Variants in TBCE observed in about 807,000 individuals in gnomAD.
The protein encoded by TBCE is tubulin-specific chaperone E.
Under a neutral mutation model 77.0 loss-of-function variants are expected in TBCE, and 53 were observed. The observed-to-expected ratio is 0.69, with a 90% CI of 0.55 to 0.87. The LOEUF (loss-of-function observed/expected upper bound fraction) is 0.87. Among genes scored for constraint, TBCE ranks in the 40% least tolerant of loss-of-function variants. The probability of loss-of-function intolerance (pLI) is 0.00; values close to 1 mark genes in which losing one functional copy is unlikely to be tolerated. For synonymous variants in TBCE, 235 were observed against 241.3 expected (o/e 0.97, Z 0.24); for missense variants, 624 against 622.4 (o/e 1.00, Z -0.03).
chr1:235,421,634 G>A (rs1013255436), intron 5 of TBCE, among the ~76,000 whole-genome samples: 4 of 152,040 alleles, frequency 2.6e-5, no homozygotes, highest in Admixed American at 1.3e-4. Context: ...GCTTGAACCC[G>A]GGAGGCGGAG....
At chr1:235,397,460 G>T (rs1435262217) in intron 2 of TBCE, among the ~76,000 whole-genome samples, 2 of 152,126 alleles carry the variant, frequency 1.3e-5, no homozygotes, top group African/African-American at 2.4e-5. Flanking sequence ...TGATCCACCC[G>T]CTTTGGCCTC....
At chr1:235,407,170 G>A (rs1194583626) in intron 3 of TBCE, among the ~76,000 whole-genome samples, 2 of 143,526 alleles carry the variant, frequency 1.4e-5, no homozygotes, top group African/African-American at 5.3e-5. Context: ...GTCTTGCTCT[G>A]TCACCCAGGT....
In TBCE at chr1:235,450,358, A is replaced by C; in HGVS notation, c.*1596A>C. 1.2e-6 allele frequency: 2 copies of C among 1,612,926 alleles called. No homozygotes were observed. The highest frequency in any genetic ancestry group is 1.7e-6 in the Non-Finnish European group (2 of 1,179,048). ...AGACTGTCCTGTTGAGAAACAACCA[A>C]AGCCGATCTGAGAGTGGTGAAACTG... On this transcript the variant is annotated 3_prime_UTR_variant, in exon 17 of 17. Transcript: ENST00000642610.
At position 235,450,368 on chromosome 1, in the gene TBCE, G is replaced by A; in HGVS notation, c.*1606G>A. On this transcript the variant is annotated 3_prime_UTR_variant, in exon 17 of 17. Coordinates refer to ENST00000642610, the MANE Select transcript of TBCE (RefSeq NM_003193.5). Reference sequence around the variant, plus strand: ...GTTGAGAAACAACCAAAGCCGATCTGAGAGTGGTGAAACTGTTTTAAGAGC... The same window carrying A: ...GTTGAGAAACAACCAAAGCCGATCTAAGAGTGGTGAAACTGTTTTAAGAGC... The A allele has an allele frequency of 6.2e-7, 1 of 1,611,356 alleles. No individual in the cohort carries two copies.
intron 5 of TBCE, among the ~76,000 whole-genome samples, chr1:235,419,939 G>T (rs1470378946): frequency 2.0e-5 from 3 of 152,128 alleles, no homozygotes; most frequent in African/African-American, 4.8e-5. Flanking sequence ...ACAAAAATTA[G>T]CCGGGTGTGG....
At chr1:235,430,859 T>C (rs1032177624) in intron 7 of TBCE, 55 bp downstream of exon 7, 28 of 1,458,946 alleles carry the variant, frequency 1.9e-5, no homozygotes, top group African/African-American at 2.8e-5. Context: ...AAATGTTTGG[T>C]TTAATAGAGA....
intron 15 of TBCE, among the ~76,000 whole-genome samples, chr1:235,446,558 G>A (rs1399195239): frequency 2.0e-5 from 3 of 152,128 alleles, no homozygotes; most frequent in Non-Finnish European, 4.4e-5. Flanking sequence ...CTGGTCATAG[G>A]CAGGTAAAAA....
rs1681418579 is a variant in TBCE at position 235,435,931 on chromosome 1, A to C, written c.833+91A>C. The C allele has an allele frequency of 3.6e-6, 4 of 1,110,716 alleles. No homozygotes were observed. The Admixed American group carries it at 7.4e-5, about 21-fold the overall frequency. The allele number at this position is 1,110,716 out of a possible 1,614,324, so 68.8% of individuals were successfully genotyped here. A position where few individuals can be genotyped will look rare whatever the true frequency, so the allele number is the denominator to read the frequency against. On this transcript the variant is annotated intron_variant, in intron 9 of 16. Coordinates refer to ENST00000642610, the MANE Select transcript of TBCE (RefSeq NM_003193.5). ...TGCTATGTATGCTTTCTCAATAGAAACGTGGTAACAATGATGGAATTTCTA... is the reference window on the plus strand; with the variant it reads ...TGCTATGTATGCTTTCTCAATAGAACCGTGGTAACAATGATGGAATTTCTA...
chr1:235,402,235 T>A (rs1558363106), intron 3 of TBCE, among the ~76,000 whole-genome samples: 1 of 151,952 alleles, frequency 6.6e-6, no homozygotes, highest in Non-Finnish European at 1.5e-5. Flanking sequence ...GGCTAATTTC[T>A]GTACTTTTAG....
intron 2 of TBCE, among the ~76,000 whole-genome samples, chr1:235,400,368 T>G (rs555045251): frequency 6.6e-6 from 1 of 151,880 alleles, no homozygotes; most frequent in South Asian, 2.1e-4. Flanking sequence ...CTACCTTTAT[T>G]GGGTTTTTGC....
At chr1:235,426,557 C>T (rs1680724383) in intron 5 of TBCE, among the ~76,000 whole-genome samples, 1 of 152,140 alleles carries the variant, frequency 6.6e-6, no homozygotes, top group Non-Finnish European at 1.5e-5. Context: ...TTGGATAGTG[C>T]TAGGATGGTT....
chr1:235,405,535 T>C (rs549654117), intron 3 of TBCE, among the ~76,000 whole-genome samples: 2 of 151,634 alleles, frequency 1.3e-5, no homozygotes, highest in East Asian at 2.0e-4. Flanking sequence ...ACTGGGAAGG[T>C]TGAGGCATGA....
chr1:235,368,842 A>G (rs1418013175), intron 1 of TBCE, among the ~76,000 whole-genome samples: 2 of 152,066 alleles, frequency 1.3e-5, no homozygotes, highest in Non-Finnish European at 2.9e-5. Flanking sequence ...CTGGGGCTAC[A>G]GGTGTGAGCC....
At chr1:235,408,790 G>A (rs1311964812) in intron 3 of TBCE, among the ~76,000 whole-genome samples, 1 of 152,044 alleles carries the variant, frequency 6.6e-6, no homozygotes, top group Non-Finnish European at 1.5e-5. Flanking sequence ...AAACATTCCT[G>A]AAACAAACAG....
intron 3 of TBCE, among the ~76,000 whole-genome samples, chr1:235,413,629 C>T (rs1390618657): frequency 4.0e-5 from 6 of 149,648 alleles, no homozygotes; most frequent in Admixed American, 3.3e-4. Flanking sequence ...CGCCACTGCA[C>T]TCCAGTCTGG....
At chr1:235,387,635 T>G (rs150934431) in intron 2 of TBCE, among the ~76,000 whole-genome samples, 2,329 of 152,264 alleles carry the variant, frequency 0.015, 30 homozygotes, top group Middle Eastern at 0.048. Flanking sequence ...GGTGTGCCGT[T>G]TTTTAAGCTC....
At chr1:235,387,472 G>T (rs1461790014) in intron 2 of TBCE, among the ~76,000 whole-genome samples, 1 of 152,226 alleles carries the variant, frequency 6.6e-6, no homozygotes, top group African/African-American at 2.4e-5. Context: ...CTTCCCGGCT[G>T]CTTTGTTTAC....
In TBCE at chr1:235,448,339, CTTT is replaced by C. The variant is rs766904505; in HGVS notation, c.1400-8_1400-6del. 1 of 1,612,300 alleles carries C rather than the reference CTTT, an allele frequency of 6.2e-7. No individual in the cohort carries two copies. The highest frequency in any genetic ancestry group is 8.5e-7 in the Non-Finnish European group (1 of 1,178,992). ...GAGAGAACGAATGGACTTTTCTTGTCTTTTGATAGGCTCCATGACAATTCAAAA... is the reference window on the plus strand; with the variant it reads ...GAGAGAACGAATGGACTTTTCTTGTCTGATAGGCTCCATGACAATTCAAAA... On this transcript the variant is annotated splice_polypyrimidine_tract_variant and splice_region_variant and intron_variant, in intron 15 of 16. Coordinates refer to ENST00000642610, the MANE Select transcript of TBCE (RefSeq NM_003193.5).
intron 2 of TBCE, among the ~76,000 whole-genome samples, chr1:235,382,156 A>G (rs1677710991): frequency 6.6e-6 from 1 of 151,298 alleles, no homozygotes; most frequent in Non-Finnish European, 1.5e-5. Flanking sequence ...ATCATTTTTT[A>G]TGGCTGCATA....
Sources: gnomAD v4.1 joint callset for allele counts (sites outside exome capture counted in the v4.1 genomes callset) on GRCh38, gnomAD v4.1.1 for gene constraint, MANE v1.5 for transcripts, NCBI Gene and HGNC (gene_info 2026-07-23, HGNC 2026-07-21) for gene names.